Variants in CLVS1 observed in about 807,000 individuals in gnomAD.
The protein encoded by CLVS1 is clavesin-1.
Under a neutral mutation model 33.1 loss-of-function variants are expected in CLVS1, and 10 were observed. That is an observed-to-expected ratio of 0.30 (90% CI 0.19 to 0.51). The LOEUF is 0.51. CLVS1 is among the 20% of genes least tolerant of loss of function. The pLI is 0.97. For missense variants in CLVS1, 343 were observed against 433.4 expected, an observed-to-expected ratio of 0.79 and a Z score of 1.85; for synonymous variants, 163 against 166.1, an observed-to-expected ratio of 0.98 and a Z score of 0.14.
intron 3 of CLVS1, among the ~76,000 whole-genome samples, chr8:61,447,383 A>C (rs1476212940): frequency 2.0e-5 from 3 of 151,776 alleles, no homozygotes; most frequent in African/African-American, 7.3e-5. Context: ...TAAATTAATT[A>C]TTGTTATGTT....
At chr8:61,348,761 TG>T (rs1238069665) in intron 2 of CLVS1, among the ~76,000 whole-genome samples, 1 of 152,174 alleles carries the variant, frequency 6.6e-6, no homozygotes, top group Non-Finnish European at 1.5e-5. Context: ...CTGGATCATG[TG>T]GTAGTTCCAT....
chr8:60,969,338 C>T, the CLVS1 span, among the ~76,000 whole-genome samples: 1 of 152,180 alleles, frequency 6.6e-6, no homozygotes, highest in African/African-American at 2.4e-5. Context: ...AAAATAAAAA[C>T]CCTGTAGCCC....
upstream of CLVS1, among the ~76,000 whole-genome samples, chr8:61,054,782 T>G (rs1232454478): frequency 6.6e-6 from 1 of 152,096 alleles, no homozygotes; most frequent in African/African-American, 2.4e-5. Context: ...AATGCATGAG[T>G]CACCCATGGG....
At chr8:61,388,827 A>G (rs978200472) in intron 3 of CLVS1, among the ~76,000 whole-genome samples, 26 of 152,152 alleles carry the variant, frequency 1.7e-4, no homozygotes, top group Non-Finnish European at 3.7e-4. Context: ...ATTGTTAGCT[A>G]TAGTGATCTT....
chr8:60,972,830 T>C, the CLVS1 span, among the ~76,000 whole-genome samples: 1 of 152,208 alleles, frequency 6.6e-6, no homozygotes, highest in Non-Finnish European at 1.5e-5. Context: ...GGAGGCAGAT[T>C]TGAATAGTAA....
chr8:61,135,238 G>C (rs1233744996), intron 2 of CLVS1, among the ~76,000 whole-genome samples: 2 of 152,014 alleles, frequency 1.3e-5, no homozygotes, highest in Non-Finnish European at 2.9e-5. Context: ...ACACATGGTG[G>C]TGGTGCCTGA....
chr8:61,278,067 A>C lies in CLVS1; in HGVS notation c.-151-21610A>C, dbSNP rs937636890. Among the ~76,000 whole-genome samples the C allele has an allele frequency of 2.0e-5, 3 of 152,178 alleles. No individual in the cohort carries two copies. The South Asian group carries it at 6.2e-4, about 32-fold the overall frequency. ...CTTTCTAATGGTGGTTTGGCAGGTG[A>C]GTGGGGAGTAGATACCTATTGTCAC... On this transcript the variant is annotated intron_variant, in intron 2 of 2. Coordinates refer to the CLVS1 transcript ENST00000522621.
chr8:61,420,336 A>C (rs1232024266), intron 3 of CLVS1, among the ~76,000 whole-genome samples: 1 of 152,246 alleles, frequency 6.6e-6, no homozygotes, highest in African/African-American at 2.4e-5. Flanking sequence ...GCGGTGGCTC[A>C]CGCCTGTAAT....
At chr8:61,395,874 G>A (rs990017187) in intron 3 of CLVS1, among the ~76,000 whole-genome samples, 3 of 152,122 alleles carry the variant, frequency 2.0e-5, no homozygotes, top group Non-Finnish European at 4.4e-5. Flanking sequence ...TCAGGAGTGG[G>A]TTTTCAAGGT....
chr8:61,340,274 T>G (rs1811985544), intron 2 of CLVS1, among the ~76,000 whole-genome samples: 1 of 152,234 alleles, frequency 6.6e-6, no homozygotes, highest in Non-Finnish European at 1.5e-5. Flanking sequence ...ATAGTCACCA[T>G]GATGCACAAT....
chr8:61,292,400 G>C, intron 1 of CLVS1: 1 of 456,186 alleles, frequency 2.2e-6, no homozygotes, highest in Non-Finnish European at 4.4e-6. Context: ...ACATGGATCT[G>C]CTGGGAAAAC....
At chr8:60,981,624 G>A in the CLVS1 span, among the ~76,000 whole-genome samples, 1 of 152,222 alleles carries the variant, frequency 6.6e-6, no homozygotes, top group Non-Finnish European at 1.5e-5. Context: ...GGTGTTCCCT[G>A]GTGGCTAAGA....
At chr8:61,332,929 C>G (rs909448456) in intron 2 of CLVS1, among the ~76,000 whole-genome samples, 1 of 152,236 alleles carries the variant, frequency 6.6e-6, no homozygotes, top group African/African-American at 2.4e-5. Flanking sequence ...GCCACCGTGC[C>G]TGACCTAAAC....
chr8:61,046,428 C>T, the CLVS1 span, among the ~76,000 whole-genome samples: 1 of 146,674 alleles, frequency 6.8e-6, no homozygotes, highest in Non-Finnish European at 1.5e-5. Context: ...AGTGTGATGC[C>T]TCCAGCTTTG....
chr8:61,354,882 A>G (rs576724410), intron 2 of CLVS1, among the ~76,000 whole-genome samples: 1 of 152,326 alleles, frequency 6.6e-6, no homozygotes, highest in African/African-American at 2.4e-5. Context: ...TCTGTTTAGT[A>G]TCTTGACTGG....
chr8:61,115,760 A>C (rs1278266771), intron 1 of CLVS1, among the ~76,000 whole-genome samples: 1 of 146,618 alleles, frequency 6.8e-6, no homozygotes, highest in East Asian at 2.0e-4. Flanking sequence ...ACATTTTCTT[A>C]ATCCAGTCTA....
intron 1 of CLVS1, among the ~76,000 whole-genome samples, chr8:61,087,543 G>T (rs1374722904): frequency 1.3e-5 from 2 of 152,190 alleles, no homozygotes; most frequent in Non-Finnish European, 2.9e-5. Context: ...GTGTAGAGAA[G>T]AGGAGTAGAA....
intron 2 of CLVS1, among the ~76,000 whole-genome samples, chr8:61,325,362 A>C (rs1156602232): frequency 6.6e-6 from 1 of 152,184 alleles, no homozygotes; most frequent in Non-Finnish European, 1.5e-5. Context: ...TACCTCAATA[A>C]GAGAAATAAC....
chr8:61,039,390 A>G, the CLVS1 span, among the ~76,000 whole-genome samples: 6 of 152,200 alleles, frequency 3.9e-5, no homozygotes, highest in Admixed American at 3.9e-4. Context: ...CAGTCAAGCT[A>G]TGGGGCCTTC....
Sources: gnomAD v4.1 joint callset for allele counts (sites outside exome capture counted in the v4.1 genomes callset) on GRCh38, gnomAD v4.1.1 for gene constraint, MANE v1.5 for transcripts, NCBI Gene and HGNC (gene_info 2026-07-23, HGNC 2026-07-21) for gene names.